STPG2: variants seen among roughly 807,000 people sequenced by gnomAD.
The protein encoded by STPG2 is sperm tail PG-rich repeat containing 2.
In STPG2, 56 loss-of-function variants were observed where a neutral mutation model predicts 54.2. That is an observed-to-expected ratio of 1.03 (90% CI 0.83 to 1.29). STPG2 has a LOEUF of 1.29. Among genes scored for constraint, STPG2 ranks in the 50% most tolerant of loss-of-function variants. The pLI is 0.00. For synonymous variants in STPG2, 200 were observed against 181.8 expected, an observed-to-expected ratio of 1.10 and a Z score of -0.81; for missense variants, 596 against 544.9, an observed-to-expected ratio of 1.09 and a Z score of -0.93.
chr4:97,922,215 A>G (rs1364770002), intron 8 of STPG2, among the ~76,000 whole-genome samples: 1 of 152,188 alleles, frequency 6.6e-6, no homozygotes, highest in African/African-American at 2.4e-5. Context: ...GTTTTATTAC[A>G]TCATTTTACA....
At chr4:97,686,935 A>ATT (rs1222690039) in intron 10 of STPG2, among the ~76,000 whole-genome samples, 4 of 148,632 alleles carry the variant, frequency 2.7e-5, no homozygotes, top group African/African-American at 1.0e-4. Context: ...TATTATTATT[A>ATT]TTATTATTTT....
intron 4 of STPG2, among the ~76,000 whole-genome samples, chr4:97,535,096 T>C (rs75231759): frequency 0.015 from 2,304 of 152,332 alleles, 55 homozygotes; most frequent in African/African-American, 0.051. Context: ...TAAACATTTA[T>C]GTAAAGGTTT....
intron 10 of STPG2, among the ~76,000 whole-genome samples, chr4:97,560,613 C>T (rs962453934): frequency 1.3e-5 from 2 of 152,118 alleles, no homozygotes; most frequent in African/African-American, 4.8e-5. Context: ...CTCCTTTTCT[C>T]CATTTACCAG....
chr4:98,059,719 TCAAA>T (rs1737586454), intron 5 of STPG2, among the ~76,000 whole-genome samples: 1 of 150,670 alleles, frequency 6.6e-6, no homozygotes, highest in Non-Finnish European at 1.5e-5. Context: ...TCTACCATGA[TCAAA>T]TAGGCTTCAT....
At chr4:97,788,458 C>A (rs1016817460) in intron 9 of STPG2, among the ~76,000 whole-genome samples, 1 of 152,090 alleles carries the variant, frequency 6.6e-6, no homozygotes, top group Admixed American at 6.6e-5. Flanking sequence ...ACCACATTTT[C>A]TTTATCCATT....
intron 10 of STPG2, among the ~76,000 whole-genome samples, chr4:97,655,348 A>G (rs1007641372): frequency 2.0e-5 from 3 of 152,032 alleles, no homozygotes; most frequent in Non-Finnish European, 4.4e-5. Flanking sequence ...TGGGAAAGGG[A>G]CTAAAGTAGT....
At chr4:97,903,081 T>C (rs1731240028) in intron 8 of STPG2, among the ~76,000 whole-genome samples, 1 of 152,122 alleles carries the variant, frequency 6.6e-6, no homozygotes, top group Non-Finnish European at 1.5e-5. Flanking sequence ...AAAAATGAGA[T>C]GGTGGTCAAA....
At position 97,981,274 on chromosome 4, in the gene STPG2, A is replaced by T; in HGVS notation, c.657T>A (p.Tyr219Ter). ...MKSITPAPGT[Y>*]NEPRTALKSL... is the part of the protein sequence containing the mutation. ...ACTTGAGAGCAGTTCGAGGTTCATT[A>T]TATGTGCCAGGAGCCGGGGTGATTG... Residue 219 changes from tyrosine to a stop codon, truncating the protein, a stop_gained, in exon 6 of 11, where the codon TAT becomes TAA. Transcript: ENST00000295268. LOFTEE classifies it high-confidence loss of function. 6.2e-7 allele frequency: 1 copy of T among 1,614,068 alleles called. No individual in the cohort carries two copies. The highest frequency in any genetic ancestry group is 1.3e-5 in the African/African-American group (1 of 75,054).
At chr4:97,663,049 T>C (rs1048138457) in intron 10 of STPG2, among the ~76,000 whole-genome samples, 1 of 150,722 alleles carries the variant, frequency 6.6e-6, no homozygotes, top group African/African-American at 2.4e-5. Context: ...TTTTAAATAA[T>C]GCAATCATAT....
At chr4:97,595,674 C>T (rs2148901834) in intron 10 of STPG2, among the ~76,000 whole-genome samples, 1 of 152,000 alleles carries the variant, frequency 6.6e-6, no homozygotes, top group South Asian at 2.1e-4. Context: ...AAGTAAGCCT[C>T]ATAAGCAAAG....
intron 4 of STPG2, among the ~76,000 whole-genome samples, chr4:97,487,537 AT>A (rs1343096534): frequency 1.3e-5 from 2 of 151,298 alleles, no homozygotes; most frequent in African/African-American, 2.4e-5. Context: ...CCAACACACC[AT>A]TTTTTTTACA....
At chr4:98,060,746 GC>G (rs983494552) in intron 5 of STPG2, among the ~76,000 whole-genome samples, 5 of 151,880 alleles carry the variant, frequency 3.3e-5, no homozygotes, top group Admixed American at 1.3e-4. Context: ...GAATAGAGAG[GC>G]CAGAAATCAG....
intron 9 of STPG2, among the ~76,000 whole-genome samples, chr4:97,767,729 T>C (rs1233288622): frequency 1.3e-5 from 2 of 152,196 alleles, no homozygotes; most frequent in Admixed American, 6.5e-5. Context: ...CCATATTATA[T>C]ATATGATAAG....
chr4:97,680,471 A>C (rs1377662056), intron 10 of STPG2, among the ~76,000 whole-genome samples: 1 of 152,096 alleles, frequency 6.6e-6, no homozygotes, highest in Non-Finnish European at 1.5e-5. Context: ...ATTTTTGTAC[A>C]TTGATTTTGT....
At chr4:97,890,726 T>C (rs1044800547) in intron 8 of STPG2, among the ~76,000 whole-genome samples, 4 of 151,948 alleles carry the variant, frequency 2.6e-5, no homozygotes, top group East Asian at 1.9e-4. Context: ...TCTGAAGTGA[T>C]AGCTATCCCA....
intron 9 of STPG2, among the ~76,000 whole-genome samples, chr4:97,806,450 A>C (rs1360590618): frequency 6.6e-6 from 1 of 152,120 alleles, no homozygotes; most frequent in African/African-American, 2.4e-5. Flanking sequence ...TTCATACCCC[A>C]AACCTCAGCA....
At chr4:97,457,364 C>G (rs55782826) in intron 4 of STPG2, among the ~76,000 whole-genome samples, 4,194 of 152,290 alleles carry the variant, frequency 0.028, 128 homozygotes, top group African/African-American at 0.082. Flanking sequence ...ATTAGGCTGA[C>G]GCAACTCCAG....
chr4:97,586,032 A>G (rs1045913660), intron 10 of STPG2, among the ~76,000 whole-genome samples: 4 of 152,008 alleles, frequency 2.6e-5, no homozygotes, highest in Admixed American at 2.6e-4. Context: ...AGATGTCACA[A>G]TTATCTGTAA....
intron 10 of STPG2, among the ~76,000 whole-genome samples, chr4:97,696,293 CA>C (rs1411746734): frequency 2.6e-5 from 4 of 152,192 alleles, no homozygotes; most frequent in African/African-American, 9.6e-5. Flanking sequence ...CCCTATTCAA[CA>C]AATGGTCCTG....
Sources: allele counts gnomAD v4.1 joint callset (sites outside exome capture counted in the v4.1 genomes callset), GRCh38; gene constraint gnomAD v4.1.1; transcripts MANE v1.5; gene names NCBI Gene and HGNC (gene_info 2026-07-23, HGNC 2026-07-21).